The following BTBD9 variants were observed in gnomAD, a reference collection of about 807,000 sequenced individuals.
BTBD9 encodes the protein BTB/POZ domain-containing protein 9.
In BTBD9, 49 loss-of-function variants were observed where a neutral mutation model predicts 64.3. The observed-to-expected ratio is 0.76, with a 90% CI of 0.61 to 0.97. BTBD9 has a LOEUF of 0.97. Among genes scored for constraint, BTBD9 ranks in the 50% least tolerant of loss-of-function variants. The probability of loss-of-function intolerance (pLI) is 0.00; values close to 1 mark genes in which losing one functional copy is unlikely to be tolerated. For missense variants in BTBD9, 598 were observed against 762.1 expected (o/e 0.78, Z 2.53); for synonymous variants, 260 against 274.7 (o/e 0.95, Z 0.53).
chr6:38,565,066 A>C (rs568234933), intron 6 of BTBD9, among the ~76,000 whole-genome samples: 1 of 152,276 alleles, frequency 6.6e-6, no homozygotes, highest in Admixed American at 6.5e-5. Flanking sequence ...TTTAGGTTCT[A>C]AACTTCAAAA....
chr6:38,371,602 C>T (rs1765430986), intron 6 of BTBD9, among the ~76,000 whole-genome samples: 1 of 152,172 alleles, frequency 6.6e-6, no homozygotes, highest in African/African-American at 2.4e-5. Flanking sequence ...TAATGTCGGC[C>T]AGGCTGCTGC....
chr6:38,171,877 AAAAAATAAT>A lies in BTBD9; in HGVS notation c.*3099_*3107del, dbSNP rs1766798920. 1 of 100,648 alleles carries A rather than the reference AAAAAATAAT, an allele frequency of 9.9e-6. No individual in the cohort carries two copies. Among genetic ancestry groups the A allele is most frequent in the Non-Finnish European group, 1.9e-5 (1 of 52,674 alleles). 6.2% of individuals were successfully genotyped at this position (100,648 alleles called of 1,614,324 possible). Reference sequence around the variant, plus strand: ...AAAAAAAAAAAAAAAAAAAAAAAAAAAAAAATAATAATAATAATAATAATAATAATAATG... The same window carrying A: ...AAAAAAAAAAAAAAAAAAAAAAAAAAAATAATAATAATAATAATAATAATG... On this transcript the variant is annotated 3_prime_UTR_variant, in exon 11 of 11. Coordinates refer to ENST00000481247, the MANE Select transcript of BTBD9 (RefSeq NM_001099272.2).
Position 38,412,974 on chromosome 6 carries a change from CTATATAA to C in BTBD9, c.1155-67888_1155-67882del, listed in dbSNP as rs199660089. Among the ~76,000 whole-genome samples, 1,309 of 152,306 alleles carry C rather than the reference CTATATAA, an allele frequency of 8.6e-3. 10 individuals are homozygous for C. The highest frequency in any genetic ancestry group is 0.026 in the African/African-American group (1,101 of 41,568). ...TATATGATGAGTAGTTGCACATGGA[CTATATAA>C]AGTGGTACTTAACGGAACTGTTCAA... is the stretch of plus-strand genomic sequence containing the variant. On this transcript the variant is annotated intron_variant, in intron 6 of 10. Coordinates refer to ENST00000481247, the MANE Select transcript of BTBD9 (RefSeq NM_001099272.2).
intron 7 of BTBD9, among the ~76,000 whole-genome samples, chr6:38,339,999 A>G (rs531904660): frequency 6.6e-6 from 1 of 152,294 alleles, no homozygotes; most frequent in South Asian, 2.1e-4. Context: ...TTATGTATGT[A>G]TTGGGGATAG....
At chr6:38,281,439 A>G (rs1358678025) in intron 8 of BTBD9, among the ~76,000 whole-genome samples, 1 of 152,186 alleles carries the variant, frequency 6.6e-6, no homozygotes, top group African/African-American at 2.4e-5. Flanking sequence ...TTCTTTTATT[A>G]TTATTATTTT....
intron 9 of BTBD9, among the ~76,000 whole-genome samples, chr6:38,254,475 C>CAAACAA (rs757035905): frequency 6.7e-6 from 1 of 149,668 alleles, no homozygotes; most frequent in South Asian, 2.1e-4. Context: ...AACAAACAAA[C>CAAACAA]AAAAAAAAAC....
intron 8 of BTBD9, among the ~76,000 whole-genome samples, chr6:38,279,804 C>T (rs868857826): frequency 2.0e-5 from 3 of 152,104 alleles, no homozygotes; most frequent in South Asian, 2.1e-4. Context: ...TAAACACACA[C>T]GTGTGCATGA....
intron 6 of BTBD9, among the ~76,000 whole-genome samples, chr6:38,348,932 A>G (rs1343188384): frequency 6.6e-6 from 1 of 152,154 alleles, no homozygotes; most frequent in African/African-American, 2.4e-5. Context: ...TTTTTGAGAC[A>G]GGGTCTCATT....
intron 1 of BTBD9, among the ~76,000 whole-genome samples, chr6:38,630,466 T>C (rs914092348): frequency 3.9e-5 from 6 of 152,166 alleles, no homozygotes; most frequent in Admixed American, 6.5e-5. Context: ...CATTGAAGGA[T>C]TGGGTATTAT....
At chr6:38,313,274 T>G (rs1762908686) in intron 7 of BTBD9, among the ~76,000 whole-genome samples, 1 of 152,186 alleles carries the variant, frequency 6.6e-6, no homozygotes, top group South Asian at 2.1e-4. Flanking sequence ...TTCTAATAAT[T>G]TTTTGGTGGA....
intron 6 of BTBD9, among the ~76,000 whole-genome samples, chr6:38,397,657 C>G (rs567507909): frequency 1.3e-5 from 2 of 152,138 alleles, no homozygotes; most frequent in Non-Finnish European, 2.9e-5. Flanking sequence ...TTAACAGATG[C>G]CATGTGAGCC....
chr6:38,380,717 C>T (rs116187803), intron 6 of BTBD9, among the ~76,000 whole-genome samples: 2,171 of 152,128 alleles, frequency 0.014, 23 homozygotes, highest in African/African-American at 0.015. Flanking sequence ...TGGTAATGTG[C>T]GCCTGTAGTC....
chr6:38,557,730 C>T (rs991964599), intron 6 of BTBD9, among the ~76,000 whole-genome samples: 1 of 152,058 alleles, frequency 6.6e-6, no homozygotes, highest in African/African-American at 2.4e-5. Flanking sequence ...ACAAAGCTTC[C>T]CAAAAAAACA....
At chr6:38,552,027 C>T (rs1365564065) in intron 6 of BTBD9, among the ~76,000 whole-genome samples, 2 of 152,144 alleles carry the variant, frequency 1.3e-5, no homozygotes, top group African/African-American at 2.4e-5. Flanking sequence ...TCTCCATATG[C>T]ATTTACATTT....
In BTBD9 at chr6:38,446,266, C is replaced by G. The variant is rs1270543995; in HGVS notation, c.1155-101173G>C. ...GTAGCCCCTTTAAATGCACCCTGTA[C>G]TTCTGCCATGTAGCATAGGTAATCA... On this transcript the variant is annotated intron_variant, in intron 6 of 10. Coordinates refer to ENST00000481247, the MANE Select transcript of BTBD9 (RefSeq NM_001099272.2). Among the ~76,000 whole-genome samples the G allele has an allele frequency of 3.9e-5, 6 of 151,982 alleles. No homozygotes were observed. The South Asian group carries it at 1.0e-3, about 26-fold the overall frequency.
chr6:38,254,206 C>G (rs1165120898), intron 9 of BTBD9, among the ~76,000 whole-genome samples: 1 of 151,570 alleles, frequency 6.6e-6, no homozygotes, highest in Non-Finnish European at 1.5e-5. Context: ...CTGGGAAAAT[C>G]ACTTAACTAG....
intron 7 of BTBD9, among the ~76,000 whole-genome samples, chr6:38,342,199 A>T (rs1764129545): frequency 1.3e-5 from 2 of 152,142 alleles, no homozygotes; most frequent in African/African-American, 4.8e-5. Flanking sequence ...AAAGAAGACC[A>T]GGAACTATGA....
intron 6 of BTBD9, among the ~76,000 whole-genome samples, chr6:38,423,267 C>T (rs146134993): frequency 4.0e-5 from 6 of 151,744 alleles, no homozygotes; most frequent in African/African-American, 1.5e-4. Flanking sequence ...TCTGTCCCCC[C>T]CAAAAAATAC....
intron 6 of BTBD9, among the ~76,000 whole-genome samples, chr6:38,414,592 G>C (rs1248967972): frequency 6.6e-6 from 1 of 151,734 alleles, no homozygotes; most frequent in African/African-American, 2.4e-5. Flanking sequence ...TTATTCCTCA[G>C]CATGCTGCCT....
Sources: gnomAD v4.1 joint callset for allele counts (sites outside exome capture counted in the v4.1 genomes callset) on GRCh38, gnomAD v4.1.1 for gene constraint, MANE v1.5 for transcripts, NCBI Gene and HGNC (gene_info 2026-07-23, HGNC 2026-07-21) for gene names.